The following DHX34 variants were observed in gnomAD, a reference collection of about 807,000 sequenced individuals.
DHX34 encodes probable ATP-dependent RNA helicase DHX34.
In DHX34, 96 loss-of-function variants were observed where a neutral mutation model predicts 111.1. The ratio of observed to expected loss-of-function variants is 0.86; its 90% confidence interval spans 0.73 to 1.02. DHX34 has a LOEUF of 1.02. Among genes scored for constraint, DHX34 ranks in the 50% least tolerant of loss-of-function variants. DHX34 has a pLI of 0.00. For missense variants in DHX34, 1,560 were observed against 1,579.9 expected (o/e 0.99, Z 0.21); for synonymous variants, 688 against 670.4 (o/e 1.03, Z -0.41).
At chr19:47,370,757 A>C (rs1260415581) in intron 7 of DHX34, among the ~76,000 whole-genome samples, 1 of 151,716 alleles carries the variant, frequency 6.6e-6, no homozygotes, top group Non-Finnish European at 1.5e-5. Context: ...GCTCACTGCA[A>C]CCTCCACCTC....
chr19:47,360,863 G>A (rs374441673), intron 5 of DHX34, among the ~76,000 whole-genome samples: 1 of 152,042 alleles, frequency 6.6e-6, no homozygotes, highest in East Asian at 2.0e-4. Context: ...GGAGAGATGG[G>A]GTTTCACCAT....
intron 8 of DHX34, 96 bp from the exon 9 acceptor site, chr19:47,373,503 G>A: frequency 6.6e-7 from 1 of 1,508,136 alleles, no homozygotes; most frequent in Non-Finnish European, 8.9e-7. Context: ...AGGTGTCCCT[G>A]AGGGATGCCC....
chr19:47,373,095 G>C (rs574404139), intron 8 of DHX34, among the ~76,000 whole-genome samples, 172 bp downstream of exon 8: 16 of 152,356 alleles, frequency 1.1e-4, no homozygotes, highest in African/African-American at 3.8e-4. Flanking sequence ...CCATGCTTTC[G>C]GCTCAGGACA....
At chr19:47,379,462 C>G (rs1263472979) in intron 13 of DHX34, 1 of 322,892 alleles carries the variant, frequency 3.1e-6, no homozygotes, top group East Asian at 1.7e-4. Flanking sequence ...GCAGCTGTCT[C>G]TCTCCCAGCA....
chr19:47,349,707 C>T (rs1396583304), intron 1 of DHX34, among the ~76,000 whole-genome samples: 7 of 151,984 alleles, frequency 4.6e-5, no homozygotes, highest in Non-Finnish European at 1.0e-4. Context: ...CCCACGAGGC[C>T]GAGAGGCGTG....
chr19:47,374,969 C>T (rs754611364), intron 9 of DHX34, among the ~76,000 whole-genome samples: 7 of 152,106 alleles, frequency 4.6e-5, no homozygotes, highest in Non-Finnish European at 1.0e-4. Context: ...GGGCAGGGGT[C>T]TCAGATTTTA....
intron 13 of DHX34, among the ~76,000 whole-genome samples, chr19:47,377,812 G>A (rs753590098): frequency 1.3e-5 from 2 of 152,030 alleles, no homozygotes; most frequent in African/African-American, 2.4e-5. Flanking sequence ...CCAGGAGGGA[G>A]AGGAGGGTGC....
chr19:47,377,347 G>A, intron 13 of DHX34, 141 bp downstream of exon 13: 1 of 856,194 alleles, frequency 1.2e-6, no homozygotes, highest in Non-Finnish European at 1.8e-6. Flanking sequence ...GGCCGTTGCT[G>A]TGGCTGCTTT....
At chr19:47,381,918 G>A in intron 16 of DHX34, 62 bp from the exon 17 acceptor site, 1 of 1,604,362 alleles carries the variant, frequency 6.2e-7, no homozygotes, top group Non-Finnish European at 8.5e-7. Context: ...CTGGCATTTG[G>A]GTGCAGGTAG....
Position 47,353,319 on chromosome 19 carries a change from C to T in DHX34, c.289C>T (p.Pro97Ser). ...KHSIPALADL[P>S]RTYDPRYRIN... ...CAGCATCCCAGCGCTGGCCGACCTACCTCGCACTTACGACCCACGTTACCG... is the reference window on the plus strand; with the variant it reads ...CAGCATCCCAGCGCTGGCCGACCTATCTCGCACTTACGACCCACGTTACCG... The change falls in exon 2 of 17, where the codon CCT becomes TCT. Residue 97 changes from proline (P) to serine (S), a missense_variant. Coordinates refer to ENST00000328771, the MANE Select transcript of DHX34 (RefSeq NM_014681.6). The surrounding 1 kb of genome is among the most constrained non-coding windows in gnomAD (Gnocchi z 4.6). 1.9e-6 allele frequency: 3 copies of T among 1,614,204 alleles called. No homozygotes were observed. The highest frequency in any genetic ancestry group is 2.5e-6 in the Non-Finnish European group (3 of 1,180,038).
At chr19:47,373,553 C>T (rs761986775) in intron 8 of DHX34, 46 bp from the exon 9 acceptor site, 26 of 1,593,124 alleles carry the variant, frequency 1.6e-5, no homozygotes, top group East Asian at 9.2e-5. Flanking sequence ...CCTCCCTCCC[C>T]GCACTGGCCA....
In DHX34 at chr19:47,375,922, A is replaced by G. The variant is rs752953031; in HGVS notation, c.2308-2A>G. 2 of 1,600,638 alleles carry G rather than the reference A, an allele frequency of 1.2e-6. No individual in the cohort carries two copies. The highest frequency in any genetic ancestry group is 1.7e-6 in the Non-Finnish European group (2 of 1,176,734). On this transcript the variant is annotated splice_acceptor_variant, in intron 10 of 16. Coordinates refer to ENST00000328771, the MANE Select transcript of DHX34 (RefSeq NM_014681.6). LOFTEE classifies it high-confidence loss of function. ...GACTCTGCCTCCCCGTGCTCCCCCC[A>G]GGATGTGAAGTTCAAGCTTCGGCAT...
intron 7 of DHX34, among the ~76,000 whole-genome samples, chr19:47,370,451 A>G (rs1176269432): frequency 6.6e-6 from 1 of 151,810 alleles, no homozygotes; most frequent in Non-Finnish European, 1.5e-5. Flanking sequence ...CCTCCCGGGG[A>G]GCTCACTGAC....
intron 8 of DHX34, 70 bp downstream of exon 8, chr19:47,372,993 C>T (rs1970018490): frequency 6.8e-6 from 10 of 1,478,968 alleles, no homozygotes; most frequent in Non-Finnish European, 9.0e-6. Context: ...GGCTGTGGCT[C>T]CTCCTCGTGT....
chr19:47,376,283 G>A, intron 11 of DHX34, 160 bp from the exon 12 acceptor site: 1 of 1,468,546 alleles, frequency 6.8e-7, no homozygotes, highest in Middle Eastern at 2.2e-4. Context: ...GGGGAGTCAA[G>A]AGCACTATAG....
Position 47,372,809 on chromosome 19 carries a change from G to A in DHX34, c.1848G>A (p.Ser616=), listed in dbSNP as rs993010407. 7 of 1,613,138 alleles carry A rather than the reference G, an allele frequency of 4.3e-6. No homozygotes were observed. The Admixed American group carries it at 6.7e-5, about 15-fold the overall frequency. The part of the protein sequence containing the change: ...LTIAAALSVQ[S]PFTRSAQSSP... ...TCGCAGCCGCACTTAGCGTCCAGTC[G>A]CCCTTCACCCGCAGCGCCCAGAGCA... The change falls in exon 8 of 17, where the codon TCG becomes TCA. Residue 616 remains serine (S), a synonymous_variant. Coordinates refer to ENST00000328771, the MANE Select transcript of DHX34 (RefSeq NM_014681.6).
At chr19:47,350,729 AT>A (rs375167988) in intron 1 of DHX34, among the ~76,000 whole-genome samples, 6 of 148,440 alleles carry the variant, frequency 4.0e-5, no homozygotes, top group Non-Finnish European at 7.5e-5. Flanking sequence ...CTGAAAAAGC[AT>A]TTTTTTTTTA....
rs959963631 is a variant in DHX34, at chr19:47,379,956, A to G, written c.2953A>G (p.Lys985Glu). ...CCCCAAGGAGGTGGCCACCCTGAGC[A>G]AGGAACTCCTGCAATTCACGGCATC... is the stretch of plus-strand genomic sequence containing the variant. ...VSPKEVATLS[K>E]ELLQFTASKI... The change falls in exon 14 of 17, where the codon AAG becomes GAG. Residue 985 changes from lysine to glutamate, a missense_variant. Transcript: ENST00000328771. 2.5e-6 allele frequency: 4 copies of G among 1,594,668 alleles called. No homozygotes were observed. In the African/African-American group the frequency reaches 5.4e-5, roughly 21 times the overall value.
rs1969368694 is a variant in DHX34 at position 47,353,789 on chromosome 19, G to C, written c.705+54G>C. On this transcript the variant is annotated intron_variant, in intron 2 of 16. Coordinates refer to ENST00000328771, the MANE Select transcript of DHX34 (RefSeq NM_014681.6). This position sits in a 1 kb window ranked among gnomAD's most constrained non-coding sequence, Gnocchi z 4.6. ...TTTCCAGCGTGACCTTGGGGGAATA[G>C]GTTGCTTGTCCATATGGCAGTATCA... 1 of 1,448,466 alleles carries C rather than the reference G, an allele frequency of 6.9e-7. No homozygotes were observed. The highest frequency in any genetic ancestry group is 9.1e-7 in the Non-Finnish European group (1 of 1,093,300). The allele number at this position is 1,448,466 out of a possible 1,614,324, so 89.7% of individuals were successfully genotyped here.
Sources: gnomAD v4.1 joint callset for allele counts (sites outside exome capture counted in the v4.1 genomes callset) on GRCh38, gnomAD v4.1.1 for gene constraint, Gnocchi (gnomAD v3.1) non-coding constraint, MANE v1.5 for transcripts, NCBI Gene and HGNC (gene_info 2026-07-23, HGNC 2026-07-21) for gene names.